RNF128: variants seen among roughly 807,000 people sequenced by gnomAD.
The protein encoded by RNF128 is ring finger protein 128.
In RNF128, 13 loss-of-function variants were observed where a neutral mutation model predicts 26.2. The ratio of observed to expected loss-of-function variants is 0.50; its 90% CI spans 0.32 to 0.79. The LOEUF (loss-of-function observed/expected upper bound fraction) is 0.79, where lower values mean the gene tolerates loss of function less well. Among genes scored for constraint, RNF128 ranks in the 30% least tolerant of loss-of-function variants. The pLI is 0.03. For synonymous variants in RNF128, 149 were observed against 142.5 expected (o/e 1.05, Z -0.32); for missense variants, 315 against 349.7 (o/e 0.90, Z 0.79).
intron 1 of RNF128, among the ~76,000 whole-genome samples, chrX:106,745,169 T>C (rs912556112): frequency 9.0e-6 from 1 of 111,655 alleles, no homozygotes; most frequent in Non-Finnish European, 1.9e-5. Flanking sequence ...ATGTGACCCA[T>C]TTCCTAATGT....
At chrX:106,757,840 G>T (rs1048380885) in intron 1 of RNF128, among the ~76,000 whole-genome samples, 13 of 111,902 alleles carry the variant, frequency 1.2e-4, no homozygotes, top group African/African-American at 3.9e-4. Context: ...GTATCATATT[G>T]AATAGGGAAA....
intron 1 of RNF128, among the ~76,000 whole-genome samples, chrX:106,714,051 C>A (rs867904753): frequency 9.2e-6 from 1 of 109,021 alleles, no homozygotes; most frequent in Non-Finnish European, 1.9e-5. Flanking sequence ...GCAGGCACTC[C>A]CCAGTAGTCC....
chrX:106,768,243 A>AAGGAT (rs1476431132), intron 1 of RNF128, among the ~76,000 whole-genome samples: 1 of 111,622 alleles, frequency 9.0e-6, no homozygotes, highest in African/African-American at 3.3e-5. Flanking sequence ...ATGAGTTAGG[A>AAGGAT]AGGATTCCCT....
chrX:106,783,951 C>G (rs1930607495), intron 2 of RNF128, among the ~76,000 whole-genome samples: 1 of 110,904 alleles, frequency 9.0e-6, no homozygotes, highest in Non-Finnish European at 1.9e-5. Flanking sequence ...TCCTCCATGA[C>G]CCAAATACCT....
intron 1 of RNF128, among the ~76,000 whole-genome samples, chrX:106,703,329 T>G (rs2147658216): frequency 8.9e-6 from 1 of 112,041 alleles, no homozygotes; most frequent in South Asian, 3.8e-4. Context: ...AAGTACTCTG[T>G]TAACTATGTG....
Position 106,727,248 on chromosome X carries a change from T to C in RNF128, c.335T>C (p.Val112Ala). The change falls in exon 1 of 7, where the codon GTG (valine) becomes GCG (alanine). Residue 112 changes from valine to alanine, a missense_variant. Val to Ala is a moderately conservative substitution (Grantham distance 64). Transcript: ENST00000255499. ...GTGCCCACGGTTTGGGGAAGCACCG[T>C]GCAAGTCTCTTGGTTGGCCCTCATC... ...FTVPTVWGSTVQVSWLALIQR... is the reference protein window; with the variant it reads ...FTVPTVWGSTAQVSWLALIQR... The C allele has an allele frequency of 8.3e-7, 1 of 1,211,563 alleles. No homozygotes were observed. The highest frequency in any genetic ancestry group is 2.2e-5 in the Admixed American group (1 of 46,061).
At chrX:106,763,952 G>A (rs917204829) in intron 1 of RNF128, among the ~76,000 whole-genome samples, 19 of 109,643 alleles carry the variant, frequency 1.7e-4, no homozygotes, top group African/African-American at 6.3e-4. Context: ...GTTTGGTTTG[G>A]TTTGGTTTGG....
chrX:106,784,258 C>T (rs1403742614), intron 2 of RNF128, among the ~76,000 whole-genome samples: 3 of 111,389 alleles, frequency 2.7e-5, no homozygotes, highest in African/African-American at 9.8e-5. Context: ...GCTAGTTCAC[C>T]ATACATAGAG....
chrX:106,754,103 T>C (rs932522803), intron 1 of RNF128, among the ~76,000 whole-genome samples: 5 of 112,514 alleles, frequency 4.4e-5, no homozygotes, highest in African/African-American at 1.6e-4. Context: ...CAAATGGACC[T>C]AATAGATATT....
At chrX:106,793,773 A>ATAC (rs1280476344) in intron 6 of RNF128, among the ~76,000 whole-genome samples, 2 of 111,098 alleles carry the variant, frequency 1.8e-5, no homozygotes, top group African/African-American at 6.5e-5. Flanking sequence ...TTTGTCAAGA[A>ATAC]TACTACAGAA....
At position 106,726,781 on chromosome X, in the gene RNF128, G is replaced by A; in HGVS notation, c.-133G>A. The stretch of plus-strand genomic sequence containing the variant: ...CTGACGCTACGTGCCTCCTGGCTCC[G>A]ACGTAGCTCGCAGCTCCCCAGTCTC... On this transcript the variant is annotated 5_prime_UTR_variant, in exon 1 of 7. Coordinates refer to ENST00000255499, the MANE Select transcript of RNF128 (RefSeq NM_194463.2). 9.4e-7 allele frequency: 1 copy of A among 1,067,647 alleles called. No homozygotes were observed. 88.0% of individuals were successfully genotyped at this position (1,067,647 alleles called of 1,213,427 possible). A position where few individuals can be genotyped will look rare whatever the true frequency, so the allele number is the denominator to read the frequency against.
chrX:106,768,225 C>T (rs375240690), intron 1 of RNF128, among the ~76,000 whole-genome samples: 11 of 111,574 alleles, frequency 9.9e-5, no homozygotes, highest in African/African-American at 3.6e-4. Context: ...TGATGCTGGC[C>T]TCATAAAATG....
intron 6 of RNF128, 73 bp downstream of exon 6, chrX:106,791,307 C>A: frequency 1.0e-6 from 1 of 991,710 alleles, no homozygotes. Flanking sequence ...AGTACTCTTG[C>A]TTTTTAGCGT....
In RNF128 at chrX:106,706,857, G is replaced by A. The variant is rs763550932; in HGVS notation, c.406+12449G>A. Among the ~76,000 whole-genome samples, 40 of 111,849 alleles carry A rather than the reference G, an allele frequency of 3.6e-4. No homozygotes were observed. In the South Asian group the frequency reaches 3.7e-3, roughly 10 times the overall value. ...TTCTATAGTAGACAGTAAAAACTAC[G>A]GTAGTAGCAAGATGATGCTCATGAA... is the stretch of plus-strand genomic sequence containing the variant. On this transcript the variant is annotated intron_variant, in intron 1 of 6. Transcript: ENST00000324342.
At chrX:106,790,154 C>T in intron 4 of RNF128, 32 bp from the exon 5 acceptor site, 1 of 969,044 alleles carries the variant, frequency 1.0e-6, no homozygotes, top group Non-Finnish European at 1.5e-6. Context: ...TGCTACTTTA[C>T]AACTGATAAT....
Position 106,787,909 on chromosome X carries a change from T to G in RNF128, c.805-9T>G. 8.6e-7 allele frequency: 1 copy of G among 1,166,601 alleles called. No homozygotes were observed. The highest frequency in any genetic ancestry group is 1.2e-6 in the Non-Finnish European group (1 of 863,324). ...ATCTGTCAGAGTAACAATAACTACT[T>G]GCTTGTAGGAAATTGGCCCTGATGG... is the stretch of plus-strand genomic sequence containing the variant. On this transcript the variant is annotated splice_polypyrimidine_tract_variant and intron_variant, in intron 3 of 6. Coordinates refer to ENST00000255499, the MANE Select transcript of RNF128 (RefSeq NM_194463.2).
At chrX:106,782,941 A>G (rs1224236807) in intron 2 of RNF128, among the ~76,000 whole-genome samples, 1 of 112,000 alleles carries the variant, frequency 8.9e-6, no homozygotes, top group Non-Finnish European at 1.9e-5. Context: ...CTGTCACTCT[A>G]TTATTATCTT....
At chrX:106,746,921 T>A (rs1199916732) in intron 1 of RNF128, among the ~76,000 whole-genome samples, 1 of 111,561 alleles carries the variant, frequency 9.0e-6, no homozygotes, top group Non-Finnish European at 1.9e-5. Flanking sequence ...AATCTGTAAC[T>A]ACTATATACA....
At chrX:106,744,774 T>TA (rs1427324464) in intron 1 of RNF128, among the ~76,000 whole-genome samples, 3 of 112,004 alleles carry the variant, frequency 2.7e-5, no homozygotes, top group African/African-American at 9.7e-5. Context: ...AATAAATAAA[T>TA]ATTTTTTAAA....
Sources: gnomAD v4.1 joint callset for allele counts (sites outside exome capture counted in the v4.1 genomes callset) on GRCh38, gnomAD v4.1.1 for gene constraint, MANE v1.5 for transcripts, NCBI Gene and HGNC (gene_info 2026-07-23, HGNC 2026-07-21) for gene names.